Variants in RTF1 observed in about 807,000 individuals in gnomAD.
RTF1 encodes the protein RTF1 homolog, Paf1/RNA polymerase II complex component, also known as RNA polymerase-associated protein RTF1 homolog.
RTF1 carries 10 observed loss-of-function variants against 95.7 expected under a neutral mutation model. The ratio of observed to expected loss-of-function variants is 0.10; its 90% CI spans 0.06 to 0.18. RTF1 has a LOEUF of 0.18. Ranked by LOEUF, RTF1 falls within the 10% of genes least tolerant of loss-of-function variation. The pLI is 1.00. For synonymous variants in RTF1, 305 were observed against 311.8 expected (o/e 0.98, Z 0.23); for missense variants, 458 against 875.6 (o/e 0.52, Z 6.02).
At position 41,433,301 on chromosome 15, in the gene RTF1, A is replaced by C. The variant is rs143336598; in HGVS notation, c.199-5020A>C. On this transcript the variant is annotated intron_variant, in intron 1 of 17. Transcript: ENST00000389629. ...ACTGGCATAATAATGCATTTGTGAA[A>C]CTGAAGGGGTCAGAGAAGAGATTAC... Among the ~76,000 whole-genome samples, 375 of 152,254 alleles carry C rather than the reference A, an allele frequency of 2.5e-3. 1 individual carries two copies. Among genetic ancestry groups the C allele is most frequent in the African/African-American group, 8.6e-3 (356 of 41,568 alleles).
chr15:41,462,488 G>A (rs950478473), intron 4 of RTF1, among the ~76,000 whole-genome samples: 1 of 151,972 alleles, frequency 6.6e-6, no homozygotes, highest in Admixed American at 6.6e-5. Flanking sequence ...CCTGGGGGTT[G>A]TTGTAAACCT....
chr15:41,471,639 G>C (rs958114885), intron 8 of RTF1, among the ~76,000 whole-genome samples: 7 of 152,102 alleles, frequency 4.6e-5, no homozygotes, highest in African/African-American at 7.2e-5. Flanking sequence ...TGTTCATTGG[G>C]AGTTACATAA....
At chr15:41,426,584 C>T (rs901784163) in intron 1 of RTF1, among the ~76,000 whole-genome samples, 2 of 146,158 alleles carry the variant, frequency 1.4e-5, no homozygotes, top group East Asian at 2.0e-4. Flanking sequence ...GGATTACAAG[C>T]GTGAGCCACT....
At chr15:41,437,108 C>T (rs1434110532) in intron 1 of RTF1, among the ~76,000 whole-genome samples, 1 of 151,342 alleles carries the variant, frequency 6.6e-6, no homozygotes, top group Non-Finnish European at 1.5e-5. Flanking sequence ...ACAATAAAAA[C>T]CAAGAACAAC....
intron 2 of RTF1, among the ~76,000 whole-genome samples, chr15:41,452,550 A>G (rs2050794158): frequency 1.3e-5 from 2 of 152,078 alleles, no homozygotes; most frequent in Admixed American, 1.3e-4. Context: ...CCTGGGCAAC[A>G]TAGTGAAACC....
intron 1 of RTF1, among the ~76,000 whole-genome samples, chr15:41,435,708 A>C (rs1243983550): frequency 6.6e-6 from 1 of 152,150 alleles, no homozygotes; most frequent in East Asian, 1.9e-4. Flanking sequence ...CCAAGGAGGG[A>C]GGATATACTC....
In RTF1 at chr15:41,476,843, C is replaced by G. The variant is rs940879541; in HGVS notation, c.1560+320C>G. Among the ~76,000 whole-genome samples, 7 of 152,314 alleles carry G rather than the reference C, an allele frequency of 4.6e-5. No individual in the cohort carries two copies. The South Asian group carries it at 1.2e-3, about 27-fold the overall frequency. Reference sequence around the variant, plus strand: ...ATGACACTGTCAAGGCCACCTGTGGCTGGTGATTTTCCATTCTTCACACTG... The same window carrying G: ...ATGACACTGTCAAGGCCACCTGTGGGTGGTGATTTTCCATTCTTCACACTG... On this transcript the variant is annotated intron_variant, in intron 12 of 17. Coordinates refer to ENST00000389629, the MANE Select transcript of RTF1 (RefSeq NM_015138.5).
rs140755076 is a variant in RTF1, at chr15:41,467,645, A to G, written c.889+1393A>G. Among the ~76,000 whole-genome samples, 474 of 151,502 alleles carry G rather than the reference A, an allele frequency of 3.1e-3. 3 individuals carry two copies. The highest frequency in any genetic ancestry group is 0.011 in the African/African-American group (451 of 41,288). The stretch of plus-strand genomic sequence containing the variant: ...CAGGAGAATCCCTTGAACCCGGGAG[A>G]CGGAGGTTGCAGTGAGCTGAGATTC... On this transcript the variant is annotated intron_variant, in intron 6 of 17. Coordinates refer to ENST00000389629, the MANE Select transcript of RTF1 (RefSeq NM_015138.5).
chr15:41,430,333 A>C (rs1348374869), intron 1 of RTF1, among the ~76,000 whole-genome samples: 1 of 151,860 alleles, frequency 6.6e-6, no homozygotes, highest in Admixed American at 6.6e-5. Context: ...AGCTGGGACT[A>C]CAGGCGCGTG....
At position 41,477,449 on chromosome 15, in the gene RTF1, A is replaced by G; in HGVS notation, c.1683-9A>G. The G allele has an allele frequency of 6.2e-7, 1 of 1,614,024 alleles. No individual in the cohort carries two copies. The highest frequency in any genetic ancestry group is 8.5e-7 in the Non-Finnish European group (1 of 1,179,988). Reference sequence around the variant, plus strand: ...TCACAGCCACTGACTCATCCCTCTTACCCCACAGTTACATCAACCAGCGGA... The same window carrying G: ...TCACAGCCACTGACTCATCCCTCTTGCCCCACAGTTACATCAACCAGCGGA... On this transcript the variant is annotated splice_polypyrimidine_tract_variant and intron_variant, in intron 13 of 17. Transcript: ENST00000389629.
chr15:41,456,794 AAAAT>A (rs2050819804), intron 3 of RTF1, among the ~76,000 whole-genome samples: 1 of 151,846 alleles, frequency 6.6e-6, no homozygotes, highest in African/African-American at 2.4e-5. Context: ...CATCTCAAAC[AAAAT>A]AAATAGGCCG....
rs1316788947 is a variant in RTF1 at position 41,468,166 on chromosome 15, C to CA, written c.889+1923dup. 1.0e-3 allele frequency among the ~76,000 whole-genome samples: 148 copies of CA among 148,502 alleles called. No individual in the cohort carries two copies. In the East Asian group the frequency reaches 0.019, roughly 19 times the overall value. ...GGGCAACAAGAGTGAGACTCTGTCT[C>CA]AAAAAAAAAGAAAAAGAAATAATAA... On this transcript the variant is annotated intron_variant, in intron 6 of 17. Transcript: ENST00000389629.
intron 2 of RTF1, 22 bp from the exon 3 acceptor site, chr15:41,452,879 C>T: frequency 6.5e-7 from 1 of 1,535,066 alleles, no homozygotes; most frequent in Non-Finnish European, 8.8e-7. Context: ...TTTCAGTCTT[C>T]CTTTTTCTTT....
intron 6 of RTF1, among the ~76,000 whole-genome samples, chr15:41,467,257 C>G (rs938339418): frequency 5.9e-5 from 9 of 152,108 alleles, no homozygotes; most frequent in Admixed American, 3.9e-4. Context: ...AAACCCCGAG[C>G]ACTTTTATAT....
intron 8 of RTF1, among the ~76,000 whole-genome samples, chr15:41,473,330 C>T (rs1373083263): frequency 6.6e-6 from 1 of 151,836 alleles, no homozygotes; most frequent in Admixed American, 6.6e-5. Flanking sequence ...GACGGGGTTT[C>T]ACCTTGTTAG....
chr15:41,425,932 T>C (rs2050626932), intron 1 of RTF1, among the ~76,000 whole-genome samples: 1 of 152,028 alleles, frequency 6.6e-6, no homozygotes, highest in South Asian at 2.1e-4. Flanking sequence ...CTGGGATATG[T>C]GGAGTTCGAA....
chr15:41,477,157 A>G lies in RTF1; in HGVS notation c.1561-8A>G, dbSNP rs1450144314. Reference sequence around the variant, plus strand: ...CAAGAACGAACTCACACATCTCTCTATGTGTAGGCCATGGCTGAGGACCTG... The same window carrying G: ...CAAGAACGAACTCACACATCTCTCTGTGTGTAGGCCATGGCTGAGGACCTG... On this transcript the variant is annotated splice_polypyrimidine_tract_variant and splice_region_variant and intron_variant, in intron 12 of 17. Transcript: ENST00000389629. The G allele has an allele frequency of 1.9e-6, 3 of 1,614,156 alleles. No individual in the cohort carries two copies. Among genetic ancestry groups the G allele is most frequent in the East Asian group, 2.2e-5 (1 of 44,888 alleles).
intron 2 of RTF1, among the ~76,000 whole-genome samples, chr15:41,447,051 C>G (rs1282219664): frequency 6.6e-6 from 1 of 152,166 alleles, no homozygotes. Flanking sequence ...GATCCACCTG[C>G]CTCAGTCTCA....
intron 2 of RTF1, chr15:41,440,137 T>G (rs2050725115): frequency 1.3e-5 from 2 of 152,200 alleles, no homozygotes; most frequent in East Asian, 1.9e-4. Context: ...GTGCCCTGCA[T>G]GTGCATATTG....
Sources: gnomAD v4.1 joint callset for allele counts (sites outside exome capture counted in the v4.1 genomes callset) on GRCh38, gnomAD v4.1.1 for gene constraint, MANE v1.5 for transcripts, NCBI Gene and HGNC (gene_info 2026-07-23, HGNC 2026-07-21) for gene names.